GFPT2: variants seen among roughly 807,000 people sequenced by gnomAD.
GFPT2 encodes glutamine--fructose-6-phosphate aminotransferase [isomerizing] 2.
GFPT2 carries 62 observed loss-of-function variants against 85.6 expected under a neutral mutation model. The ratio of observed to expected loss-of-function variants is 0.72; its 90% confidence interval spans 0.59 to 0.90. The LOEUF (loss-of-function observed/expected upper bound fraction) is 0.90, where lower values mean the gene tolerates loss of function less well. Among genes scored for constraint, GFPT2 ranks in the 40% least tolerant of loss-of-function variants. The pLI, the probability that GFPT2 is intolerant of heterozygous loss-of-function variation, is 0.00. For synonymous variants in GFPT2, 368 were observed against 344.5 expected, an observed-to-expected ratio of 1.07 and a Z score of -0.75; for missense variants, 788 against 893.4, an observed-to-expected ratio of 0.88 and a Z score of 1.50.
intron 8 of GFPT2, among the ~76,000 whole-genome samples, 175 bp downstream of exon 8, chr5:180,324,641 A>T (rs957040082): frequency 6.6e-6 from 1 of 152,252 alleles, no homozygotes; most frequent in Non-Finnish European, 1.5e-5. Context: ...GCTTAAAAAA[A>T]ATGGAGCCAA....
chr5:180,336,646 C>T (rs1336124113), intron 2 of GFPT2, 69 bp from the exon 3 acceptor site: 14 of 1,035,960 alleles, frequency 1.4e-5, no homozygotes, highest in East Asian at 4.7e-5. Flanking sequence ...ACAGGTGCTC[C>T]GCAGGGTCAG....
intron 9 of GFPT2, among the ~76,000 whole-genome samples, chr5:180,321,711 G>GA (rs1417117469): frequency 1.3e-5 from 2 of 152,248 alleles, no homozygotes; most frequent in African/African-American, 4.8e-5. Context: ...ACACGCGACA[G>GA]AATCACTTCC....
At chr5:180,335,321 T>C (rs1479471112) in intron 4 of GFPT2, among the ~76,000 whole-genome samples, 1 of 152,238 alleles carries the variant, frequency 6.6e-6, no homozygotes, top group East Asian at 1.9e-4. Flanking sequence ...CCCTGGCTGC[T>C]GAGGTCTCCC....
chr5:180,351,164 A>T (rs868090532), intron 1 of GFPT2, among the ~76,000 whole-genome samples: 2 of 152,370 alleles, frequency 1.3e-5, no homozygotes, highest in South Asian at 4.1e-4. Flanking sequence ...AAGGAAAATC[A>T]GTATCACTTG....
intron 1 of GFPT2, chr5:180,352,955 G>C (rs1764746267): frequency 9.4e-6 from 4 of 424,328 alleles, no homozygotes; most frequent in Non-Finnish European, 1.6e-5. Context: ...ACCGGGCCTC[G>C]GTCCCCCTCA....
chr5:180,338,720 G>A (rs1764451477), intron 1 of GFPT2, 120 bp from the exon 2 acceptor site: 1 of 616,468 alleles, frequency 1.6e-6, no homozygotes, highest in African/African-American at 1.8e-5. Context: ...TTGCAGAGGT[G>A]GGTATGCCCC....
intron 2 of GFPT2, 101 bp downstream of exon 2, chr5:180,338,391 AG>A (rs1053151735): frequency 2.8e-5 from 14 of 493,152 alleles, no homozygotes; most frequent in African/African-American, 2.4e-4. Context: ...AAAAAGTAGC[AG>A]AAAAAATGCC....
chr5:180,302,397 C>G (rs543270688), intron 18 of GFPT2, 26 bp downstream of exon 18: 45 of 1,593,886 alleles, frequency 2.8e-5, no homozygotes, highest in Non-Finnish European at 3.2e-5. Context: ...CTCCTCTCTG[C>G]TGTTAGGTGC....
chr5:180,332,712 A>AT (rs1312428404), intron 4 of GFPT2, among the ~76,000 whole-genome samples: 2 of 151,694 alleles, frequency 1.3e-5, no homozygotes, highest in African/African-American at 4.8e-5. Context: ...TAATTTTTGT[A>AT]TTTTTTTAGT....
rs1020854098 is a variant in GFPT2, at chr5:180,330,058, G to A, written c.534+642C>T. Among the ~76,000 whole-genome samples, 5 of 152,188 alleles carry A rather than the reference G, an allele frequency of 3.3e-5. No individual in the cohort carries two copies. Among genetic ancestry groups the A allele is most frequent in the African/African-American group, 1.2e-4 (5 of 41,446 alleles). On this transcript the variant is annotated intron_variant, in intron 6 of 18. Transcript: ENST00000253778. The surrounding 1 kb of genome is among the most constrained non-coding windows in gnomAD (Gnocchi z 4.4). ...AAACAGGCCAGGCACAGTGGCTCACGCCTGTAAATCCCAGCATTTTGGGAG... is the reference window on the plus strand; with the variant it reads ...AAACAGGCCAGGCACAGTGGCTCACACCTGTAAATCCCAGCATTTTGGGAG...
intron 16 of GFPT2, among the ~76,000 whole-genome samples, chr5:180,306,746 G>A (rs778099809): frequency 2.0e-5 from 3 of 152,216 alleles, no homozygotes; most frequent in Non-Finnish European, 4.4e-5. Context: ...ATGGACTCAG[G>A]TCTGATTCGG....
At chr5:180,308,933 G>A (rs999510690) in intron 15 of GFPT2, among the ~76,000 whole-genome samples, 1 of 151,256 alleles carries the variant, frequency 6.6e-6, no homozygotes, top group African/African-American at 2.4e-5. Context: ...GCAGTGGCAC[G>A]ATCTCGGCTC....
At chr5:180,303,147 G>A (rs569897493) in intron 17 of GFPT2, among the ~76,000 whole-genome samples, 66 of 149,230 alleles carry the variant, frequency 4.4e-4, no homozygotes, top group African/African-American at 1.5e-3. Flanking sequence ...GGAGAATGGC[G>A]TGAACCTGGG....
At chr5:180,346,644 G>T (rs1764614703) in intron 1 of GFPT2, among the ~76,000 whole-genome samples, 1 of 152,206 alleles carries the variant, frequency 6.6e-6, no homozygotes, top group Non-Finnish European at 1.5e-5. Flanking sequence ...CACTCCTGCA[G>T]GGTGCCCTCA....
chr5:180,330,526 C>T lies in GFPT2; in HGVS notation c.534+174G>A, dbSNP rs1764283331. Among the ~76,000 whole-genome samples, 1 of 152,170 alleles carries T rather than the reference C, an allele frequency of 6.6e-6. No individual in the cohort carries two copies. The highest frequency in any genetic ancestry group is 6.5e-5 in the Admixed American group (1 of 15,286). On this transcript the variant is annotated intron_variant, in intron 6 of 18. Coordinates refer to ENST00000253778, the MANE Select transcript of GFPT2 (RefSeq NM_005110.4). This position sits in a 1 kb window ranked among gnomAD's most constrained non-coding sequence, Gnocchi z 4.4. ...GTCTTCCAGTTCTACAAGAGTGTAA[C>T]ATCTTAAGGCCAGGCTCTGCAGATG...
At chr5:180,301,637 A>T in intron 18 of GFPT2, 29 bp from the exon 19 acceptor site, 1 of 1,594,452 alleles carries the variant, frequency 6.3e-7, no homozygotes, top group South Asian at 1.1e-5. Flanking sequence ...ACTGTTCAGG[A>T]CCCCAAAGAT....
chr5:180,352,888 G>A, intron 1 of GFPT2: 1 of 451,938 alleles, frequency 2.2e-6, no homozygotes, highest in Non-Finnish European at 3.9e-6. Context: ...ATGGGGTGGG[G>A]ACCCCTCTGT....
At position 180,301,257 on chromosome 5, in the gene GFPT2, TG is replaced by T. The variant is rs1345089517; in HGVS notation, c.*306del. 1 of 428,468 alleles carries T rather than the reference TG, an allele frequency of 2.3e-6. No individual in the cohort carries two copies. The highest frequency in any genetic ancestry group is 2.0e-5 in the African/African-American group (1 of 50,198). 26.5% of individuals were successfully genotyped at this position (428,468 alleles called of 1,614,324 possible). On this transcript the variant is annotated 3_prime_UTR_variant, in exon 19 of 19. Transcript: ENST00000253778. Reference sequence around the variant, plus strand: ...TGTCTTTTAAAACTAACTCTAGTGTTGGTTATAAAAGGTTCACAGTTACTCT... The same window carrying T: ...TGTCTTTTAAAACTAACTCTAGTGTTGTTATAAAAGGTTCACAGTTACTCT...
chr5:180,307,357 A>T, intron 15 of GFPT2, 54 bp from the exon 16 acceptor site: 1 of 1,586,670 alleles, frequency 6.3e-7, no homozygotes, highest in Middle Eastern at 1.7e-4. Flanking sequence ...CTTTAAAGCA[A>T]TATTCATGAA....
Sources: gnomAD v4.1 joint callset for allele counts (sites outside exome capture counted in the v4.1 genomes callset) on GRCh38, gnomAD v4.1.1 for gene constraint, Gnocchi (gnomAD v3.1) non-coding constraint, MANE v1.5 for transcripts, NCBI Gene and HGNC (gene_info 2026-07-23, HGNC 2026-07-21) for gene names.